The following PCDHA8 variants were observed in gnomAD, a reference collection of about 807,000 sequenced individuals.
PCDHA8 encodes protocadherin alpha 8.
PCDHA8 carries 53 observed loss-of-function variants against 61.8 expected under a neutral mutation model. The observed-to-expected ratio is 0.86, with a 90% CI of 0.69 to 1.08. The LOEUF (loss-of-function observed/expected upper bound fraction) is 1.08, where lower values mean the gene tolerates loss of function less well. Ranked by LOEUF, PCDHA8 falls within the 50% of genes least tolerant of loss-of-function variation. The pLI, the probability that PCDHA8 is intolerant of heterozygous loss-of-function variation, is 0.00. For synonymous variants in PCDHA8, 618 were observed against 556.6 expected (o/e 1.11, Z -1.55); for missense variants, 1,293 against 1,245.0 (o/e 1.04, Z -0.58).
chr5:140,849,509 G>A, intron 1 of PCDHA8: 2 of 1,596,674 alleles, frequency 1.3e-6, no homozygotes, highest in Admixed American at 1.7e-5. Flanking sequence ...CACTTCTTGT[G>A]GAAGTTGTGG....
intron 1 of PCDHA8, chr5:140,853,345 C>G: frequency 4.1e-6 from 4 of 982,282 alleles, no homozygotes; most frequent in Middle Eastern, 5.3e-4. Flanking sequence ...CATTAGCAAA[C>G]ATGAACTCAC....
chr5:140,862,656 C>T, intron 1 of PCDHA8: 1 of 545,296 alleles, frequency 1.8e-6, no homozygotes, highest in Admixed American at 1.9e-5. Flanking sequence ...CCGCGCGGGA[C>T]CGGGACGCGC....
intron 1 of PCDHA8, among the ~76,000 whole-genome samples, chr5:140,974,423 C>T (rs2096627451): frequency 6.6e-6 from 1 of 152,166 alleles, no homozygotes; most frequent in Non-Finnish European, 1.5e-5. Flanking sequence ...ATTTTACTTT[C>T]CTGGTTTGTA....
At chr5:140,959,038 A>G (rs1389837259) in intron 1 of PCDHA8, among the ~76,000 whole-genome samples, 2 of 151,994 alleles carry the variant, frequency 1.3e-5, no homozygotes, top group African/African-American at 4.8e-5. Flanking sequence ...ATGGGTATGT[A>G]TGTATAGGAA....
intron 1 of PCDHA8, chr5:140,968,136 T>C (rs1554230395): frequency 1.2e-6 from 2 of 1,614,102 alleles, no homozygotes; most frequent in South Asian, 2.2e-5. Flanking sequence ...ACACTGAAGG[T>C]TGAGATCTCT....
At chr5:140,882,070 C>A in intron 1 of PCDHA8, 1 of 854,286 alleles carries the variant, frequency 1.2e-6, no homozygotes, top group Non-Finnish European at 1.8e-6. Context: ...CGTTCATGCG[C>A]ATGGTGTCGC....
chr5:140,969,076 T>C, intron 1 of PCDHA8: 2 of 1,614,162 alleles, frequency 1.2e-6, no homozygotes, highest in South Asian at 2.2e-5. Flanking sequence ...GGATACCGCA[T>C]GGCCTCAAAG....
chr5:140,842,909 C>T lies in PCDHA8; in HGVS notation c.1588C>T (p.Leu530=). The T allele has an allele frequency of 6.3e-7, 1 of 1,594,530 alleles. No homozygotes were observed. The highest frequency in any genetic ancestry group is 8.6e-7 in the Non-Finnish European group (1 of 1,165,454). ...GCCGCTGGACCACGAGGAGCTAGAG[C>T]TGCTGCAGTTCCAGGTGAGCGCGCG... The part of the protein sequence containing the change: ...LQPLDHEELE[L]LQFQVSARDA... Residue 530 remains leucine, a synonymous_variant, in exon 1 of 4, where the codon CTG becomes TTG. Transcript: ENST00000531613.
chr5:140,852,149 G>T (rs940913819), intron 1 of PCDHA8: 1 of 867,026 alleles, frequency 1.2e-6, no homozygotes. Flanking sequence ...AGATCAGAAT[G>T]GCCTTGAGAA....
At chr5:140,990,176 T>G (rs1294066255) in intron 3 of PCDHA8, among the ~76,000 whole-genome samples, 1 of 152,142 alleles carries the variant, frequency 6.6e-6, no homozygotes, top group Non-Finnish European at 1.5e-5. Context: ...AAAAGGTGAC[T>G]TTTAAGAACC....
chr5:140,972,832 T>G (rs1209140344), intron 1 of PCDHA8, among the ~76,000 whole-genome samples: 9 of 151,882 alleles, frequency 5.9e-5, no homozygotes. Flanking sequence ...CCTGGCTAAT[T>G]TTTGTATTTT....
chr5:140,939,634 G>T (rs1032922800), intron 1 of PCDHA8, among the ~76,000 whole-genome samples: 12 of 152,184 alleles, frequency 7.9e-5, no homozygotes, highest in South Asian at 4.1e-4. Flanking sequence ...AATCAATAAG[G>T]GTACTGAAAA....
At chr5:140,981,666 C>CT (rs1430989347) in intron 2 of PCDHA8, among the ~76,000 whole-genome samples, 8 of 152,058 alleles carry the variant, frequency 5.3e-5, no homozygotes, top group Non-Finnish European at 1.0e-4. Flanking sequence ...TTCTTCCTTC[C>CT]TTTCTTCCTT....
At chr5:140,959,751 T>C (rs553950058) in intron 1 of PCDHA8, among the ~76,000 whole-genome samples, 12 of 152,210 alleles carry the variant, frequency 7.9e-5, no homozygotes, top group Non-Finnish European at 1.8e-4. Flanking sequence ...CCTTAAAGTA[T>C]ATTTTAATAT....
At chr5:140,980,897 A>G (rs2096910436) in intron 2 of PCDHA8, among the ~76,000 whole-genome samples, 1 of 152,186 alleles carries the variant, frequency 6.6e-6, no homozygotes, top group African/African-American at 2.4e-5. Context: ...AGTCTTGGAC[A>G]TCATGTAACT....
chr5:140,944,095 A>AT (rs2093609322), intron 1 of PCDHA8, among the ~76,000 whole-genome samples: 1 of 152,250 alleles, frequency 6.6e-6, no homozygotes. Context: ...GAGTAAGTTT[A>AT]TATCTCATGG....
chr5:140,902,415 G>C (rs887303649), intron 1 of PCDHA8, among the ~76,000 whole-genome samples: 24 of 152,178 alleles, frequency 1.6e-4, no homozygotes, highest in Admixed American at 1.3e-3. Flanking sequence ...TTGAATAACA[G>C]TGGTGAAAGT....
intron 1 of PCDHA8, among the ~76,000 whole-genome samples, chr5:140,907,595 A>C (rs1278261727): frequency 6.6e-6 from 1 of 152,198 alleles, no homozygotes; most frequent in African/African-American, 2.4e-5. Flanking sequence ...GATCACCCTG[A>C]GGAATGGTGC....
At chr5:140,928,666 T>C in intron 1 of PCDHA8, 8 of 1,614,212 alleles carry the variant, frequency 5.0e-6, no homozygotes, top group Non-Finnish European at 6.8e-6. Context: ...TGACAGTGGT[T>C]CTAATGCCTG....
Sources: allele counts gnomAD v4.1 joint callset (sites outside exome capture counted in the v4.1 genomes callset), GRCh38; gene constraint gnomAD v4.1.1; transcripts MANE v1.5; gene names NCBI Gene and HGNC (gene_info 2026-07-23, HGNC 2026-07-21).